CLSTN2: variants seen among roughly 807,000 people sequenced by gnomAD.
CLSTN2 encodes the protein calsyntenin 2.
In CLSTN2, 48 loss-of-function variants were observed where a neutral mutation model predicts 101.2. The observed-to-expected ratio is 0.47, with a 90% CI of 0.38 to 0.60. The LOEUF (loss-of-function observed/expected upper bound fraction) is 0.60, where lower values mean the gene tolerates loss of function less well. Among genes scored for constraint, CLSTN2 ranks in the 20% least tolerant of loss-of-function variants. The pLI is 0.00. For missense variants in CLSTN2, 1,160 were observed against 1,238.2 expected, an observed-to-expected ratio of 0.94 and a Z score of 0.95; for synonymous variants, 481 against 463.6, an observed-to-expected ratio of 1.04 and a Z score of -0.48.
chr3:140,197,819 C>T (rs2010665600), intron 2 of CLSTN2, among the ~76,000 whole-genome samples: 1 of 152,094 alleles, frequency 6.6e-6, no homozygotes, highest in Non-Finnish European at 1.5e-5. Flanking sequence ...AGGCAGAAGA[C>T]CTCAGTTTTA....
intron 2 of CLSTN2, among the ~76,000 whole-genome samples, chr3:140,295,022 G>T (rs2086989748): frequency 1.3e-5 from 2 of 152,164 alleles, no homozygotes; most frequent in Admixed American, 1.3e-4. Flanking sequence ...TGGGGGTTAA[G>T]GTTTCAACAT....
chr3:140,462,038 TGAAAAACACA>T (rs906654316), intron 7 of CLSTN2, among the ~76,000 whole-genome samples: 5 of 112,112 alleles, frequency 4.5e-5, no homozygotes, highest in Admixed American at 2.9e-4. Flanking sequence ...AGTGGAAACA[TGAAAAACACA>T]GAAAAGCATA....
chr3:140,333,951 G>A (rs2087416010), intron 2 of CLSTN2, among the ~76,000 whole-genome samples: 1 of 152,132 alleles, frequency 6.6e-6, no homozygotes, highest in Non-Finnish European at 1.5e-5. Context: ...AATTGCACAT[G>A]GATTTTATGT....
intron 1 of CLSTN2, among the ~76,000 whole-genome samples, chr3:140,160,620 C>T (rs2010029894): frequency 6.6e-6 from 1 of 150,634 alleles, no homozygotes; most frequent in Non-Finnish European, 1.5e-5. Flanking sequence ...TCTATTCATC[C>T]TATTTTTTTT....
In CLSTN2 at chr3:140,504,253, C is replaced by A. The variant is rs147326508; in HGVS notation, c.1345-28071C>A. Among the ~76,000 whole-genome samples the A allele has an allele frequency of 4.6e-4, 70 of 152,184 alleles. No individual in the cohort carries two copies. The East Asian group carries it at 7.5e-3, about 16-fold the overall frequency. The stretch of plus-strand genomic sequence containing the variant: ...GGTTTATGGACCTTTTCATGAGAGC[C>A]TTTATTGTCATTAACAAGGGGTCCT... On this transcript the variant is annotated intron_variant, in intron 8 of 16. Transcript: ENST00000458420.
intron 2 of CLSTN2, among the ~76,000 whole-genome samples, chr3:140,388,170 T>TA (rs2088074405): frequency 1.3e-5 from 2 of 152,210 alleles, no homozygotes; most frequent in African/African-American, 2.4e-5. Context: ...TGTAATGCTG[T>TA]GAAAGTGCGG....
intron 1 of CLSTN2, among the ~76,000 whole-genome samples, chr3:140,162,923 A>G (rs182557514): frequency 6.6e-6 from 1 of 152,350 alleles, no homozygotes; most frequent in Admixed American, 6.5e-5. Flanking sequence ...TTGGTAGCAT[A>G]AGCCACAAGG....
At chr3:140,561,662 T>C (rs1335274004) in intron 12 of CLSTN2, among the ~76,000 whole-genome samples, 1 of 152,196 alleles carries the variant, frequency 6.6e-6, no homozygotes, top group Non-Finnish European at 1.5e-5. Context: ...CCCTTCAGGA[T>C]CTCAGGTGGT....
intron 1 of CLSTN2, among the ~76,000 whole-genome samples, chr3:140,126,678 G>A (rs1288635903): frequency 6.6e-6 from 1 of 152,066 alleles, no homozygotes; most frequent in Non-Finnish European, 1.5e-5. Context: ...TCCCATTTTT[G>A]CCAATATTTT....
intron 1 of CLSTN2, among the ~76,000 whole-genome samples, chr3:140,048,005 T>G (rs562710696): frequency 2.9e-4 from 44 of 152,020 alleles, no homozygotes; most frequent in Non-Finnish European, 5.3e-4. Context: ...AATAAATGCA[T>G]GGCTATTAAA....
At chr3:140,155,937 C>T (rs755133660) in intron 1 of CLSTN2, among the ~76,000 whole-genome samples, 1 of 134,010 alleles carries the variant, frequency 7.5e-6, no homozygotes. Context: ...CATTAATATC[C>T]TTAGCCATGC....
chr3:140,557,724 T>C (rs1417591868), intron 11 of CLSTN2, among the ~76,000 whole-genome samples: 1 of 152,190 alleles, frequency 6.6e-6, no homozygotes, highest in African/African-American at 2.4e-5. Flanking sequence ...TGTAAGGTGA[T>C]GGCTGTCACC....
rs547792592 is a variant in CLSTN2 at position 140,556,765 on chromosome 3, C to T, written c.1823+104C>T. The stretch of plus-strand genomic sequence containing the variant: ...CCCTCACAAAACAGGAGTTGCCTTT[C>T]GTCAGCTGTCCTCAACTTCTGCTAT... On this transcript the variant is annotated intron_variant, in intron 11 of 16. Transcript: ENST00000458420. 82 of 1,118,772 alleles carry T rather than the reference C, an allele frequency of 7.3e-5. No homozygotes were observed. The African/African-American group carries it at 1.1e-3, about 15-fold the overall frequency. The allele number at this position is 1,118,772 out of a possible 1,614,324, so 69.3% of individuals were successfully genotyped here.
chr3:140,041,920 A>G lies in CLSTN2; in HGVS notation c.109+106437A>G, dbSNP rs141845704. Among the ~76,000 whole-genome samples the G allele has an allele frequency of 6.5e-3, 985 of 152,272 alleles. 11 individuals carry two copies. The highest frequency in any genetic ancestry group is 0.045 in the South Asian group (215 of 4,826). On this transcript the variant is annotated intron_variant, in intron 1 of 16. Transcript: ENST00000458420. ...GGGGGCTGAGCTGTTATCAGCCATG[A>G]TACCTCTCTTCTGCTCCATCTACAT...
At position 140,577,052 on chromosome 3, in the gene CLSTN2, A is replaced by C. The variant is rs1985752524; in HGVS notation, c.*10799A>C. On this transcript the variant is annotated 3_prime_UTR_variant, in exon 17 of 17. Coordinates refer to ENST00000458420, the MANE Select transcript of CLSTN2 (RefSeq NM_022131.3). ...ACTCCTTTTCATAGAATCCTCTCTC[A>C]GGCCTAACTGAGCTGTCATATCCAA... 1 of 152,180 alleles carries C rather than the reference A, an allele frequency of 6.6e-6. No individual in the cohort carries two copies. Among genetic ancestry groups the C allele is most frequent in the Non-Finnish European group, 1.5e-5 (1 of 68,034 alleles). 9.4% of individuals were successfully genotyped at this position (152,180 alleles called of 1,614,324 possible). A position where few individuals can be genotyped will look rare whatever the true frequency, so the allele number is the denominator to read the frequency against.
intron 2 of CLSTN2, among the ~76,000 whole-genome samples, chr3:140,283,260 A>G (rs181307451): frequency 6.6e-6 from 1 of 152,246 alleles, no homozygotes; most frequent in Admixed American, 6.5e-5. Context: ...CTCTAACCAA[A>G]TTTTCCATAG....
At chr3:140,314,222 A>G (rs538616427) in intron 2 of CLSTN2, among the ~76,000 whole-genome samples, 7 of 152,332 alleles carry the variant, frequency 4.6e-5, no homozygotes, top group African/African-American at 1.7e-4. Flanking sequence ...TTGGGTAAAG[A>G]TAAAATATCA....
intron 2 of CLSTN2, among the ~76,000 whole-genome samples, chr3:140,305,558 C>T (rs2087105991): frequency 6.6e-6 from 1 of 152,156 alleles, no homozygotes; most frequent in African/African-American, 2.4e-5. Context: ...TCACCAGGGA[C>T]TTTGGTACCA....
chr3:140,338,573 G>A (rs546953510), intron 2 of CLSTN2, among the ~76,000 whole-genome samples: 48 of 151,328 alleles, frequency 3.2e-4, no homozygotes, highest in Admixed American at 8.5e-4. Flanking sequence ...GTCCCCCCCC[G>A]GCCTCAGTAG....
Sources: allele counts gnomAD v4.1 joint callset (sites outside exome capture counted in the v4.1 genomes callset), GRCh38; gene constraint gnomAD v4.1.1; transcripts MANE v1.5; gene names NCBI Gene and HGNC (gene_info 2026-07-23, HGNC 2026-07-21).